Variants in USP34 observed in about 807,000 individuals in gnomAD.
The protein encoded by USP34 is ubiquitin carboxyl-terminal hydrolase 34.
A neutral mutation model predicts 460.3 loss-of-function variants in USP34; 70 were observed. That is an observed-to-expected ratio of 0.15 (90% CI 0.13 to 0.19). USP34 has a LOEUF of 0.19. Among genes scored for constraint, USP34 ranks in the 10% least tolerant of loss-of-function variants. The pLI is 1.00. For missense variants in USP34, 3,985 were observed against 4,236.2 expected, an observed-to-expected ratio of 0.94 and a Z score of 1.65; for synonymous variants, 1,647 against 1,405.3, an observed-to-expected ratio of 1.17 and a Z score of -3.85.
chr2:61,309,035 AAACAACAAC>A (rs568927718), intron 27 of USP34, among the ~76,000 whole-genome samples: 29 of 151,394 alleles, frequency 1.9e-4, no homozygotes, highest in South Asian at 1.2e-3. Flanking sequence ...ACTATCTCAA[AAACAACAAC>A]AACAACAACA....
chr2:61,416,127 G>A (rs1288512327), intron 2 of USP34, among the ~76,000 whole-genome samples: 1 of 152,158 alleles, frequency 6.6e-6, no homozygotes. Context: ...TTTTATGTAT[G>A]AGCTAATTTA....
chr2:61,399,211 T>C (rs1693635098), intron 3 of USP34, among the ~76,000 whole-genome samples: 1 of 152,010 alleles, frequency 6.6e-6, no homozygotes, highest in Non-Finnish European at 1.5e-5. Context: ...TCGTGACGCA[T>C]GCCTGTAATC....
rs1336787615 is a variant in USP34 at position 61,470,948 on chromosome 2, C to G, written c.-256G>C. On this transcript the variant is annotated 5_prime_UTR_variant, in exon 1 of 80. Coordinates refer to ENST00000398571, the MANE Select transcript of USP34 (RefSeq NM_014709.4). The stretch of plus-strand genomic sequence containing the variant: ...CGGAGGGGCGCCGAGGCGCCGGCGG[C>G]GGGGAAGGGGGGGAAGGACGGGGGG... 1.6e-5 allele frequency among the ~76,000 whole-genome samples: 1 copy of G among 61,186 alleles called. No individual in the cohort carries two copies. 40.1% of individuals were successfully genotyped at this position (61,186 alleles called of 152,430 possible).
In USP34 at chr2:61,347,888, T is replaced by C. The variant is rs745381929; in HGVS notation, c.2267A>G (p.His756Arg). Residue 756 changes from histidine (H) to arginine (R), a missense_variant, in exon 15 of 80, where the codon CAT becomes CGT. By Grantham distance (29) the His-to-Arg change is conservative (BLOSUM62 0). This residue lies in a region of USP34 where 716 missense variants were observed against 626.2 expected (regional missense o/e 1.14). Coordinates refer to ENST00000398571, the MANE Select transcript of USP34 (RefSeq NM_014709.4). The stretch of plus-strand genomic sequence containing the variant: ...GGCTTACCCATCGTGGTGGTGGTGA[T>C]GGTGGTGGTGGTGGTGGTGATGCTG... ...GPQHHHHHHH[H>R]HHHHDGHMVD... 1.2e-5 allele frequency: 20 copies of C among 1,602,048 alleles called. No individual in the cohort carries two copies. The highest frequency in any genetic ancestry group is 3.4e-6 in the Non-Finnish European group (4 of 1,172,896).
At position 61,187,769 on chromosome 2, in the gene USP34, A is replaced by C. The variant is rs1302593259; in HGVS notation, c.*333T>G. Reference sequence around the variant, plus strand: ...TGGCACAGAGGACACCATATCATACACAGTAAAAATGCTGTAAGTTTAAAT... The same window carrying C: ...TGGCACAGAGGACACCATATCATACCCAGTAAAAATGCTGTAAGTTTAAAT... On this transcript the variant is annotated 3_prime_UTR_variant, in exon 80 of 80. Coordinates refer to ENST00000398571, the MANE Select transcript of USP34 (RefSeq NM_014709.4). 9.7e-6 allele frequency: 6 copies of C among 618,180 alleles called. No homozygotes were observed. The highest frequency in any genetic ancestry group is 1.3e-5 in the Non-Finnish European group (6 of 462,142). The allele number at this position is 618,180 out of a possible 1,614,324, so 38.3% of individuals were successfully genotyped here.
At chr2:61,260,240 T>G (rs563164381) in intron 43 of USP34, among the ~76,000 whole-genome samples, 18 of 152,360 alleles carry the variant, frequency 1.2e-4, no homozygotes, top group Non-Finnish European at 2.4e-4. Context: ...CCAGCCAGGA[T>G]CTTTGAAAAC....
chr2:61,281,248 T>A lies in USP34; in HGVS notation c.4999-6A>T. The stretch of plus-strand genomic sequence containing the variant: ...GATTCATGACGAACTGCAGTCTAGA[T>A]GAAAAAGAAAGTTCCACAAACAGTG... On this transcript the variant is annotated splice_region_variant and splice_polypyrimidine_tract_variant and intron_variant, in intron 37 of 79. Transcript: ENST00000398571. 6.2e-7 allele frequency: 1 copy of A among 1,605,092 alleles called. No homozygotes were observed. The highest frequency in any genetic ancestry group is 8.5e-7 in the Non-Finnish European group (1 of 1,176,806).
chr2:61,462,107 C>T (rs1695617521), intron 1 of USP34, among the ~76,000 whole-genome samples: 1 of 151,580 alleles, frequency 6.6e-6, no homozygotes, highest in Non-Finnish European at 1.5e-5. Context: ...GGCATGGTGG[C>T]AGTTGCCTGT....
intron 44 of USP34, among the ~76,000 whole-genome samples, chr2:61,259,290 GAAAA>G (rs1177532051): frequency 1.3e-5 from 2 of 151,750 alleles, no homozygotes; most frequent in Admixed American, 1.3e-4. Context: ...AAAAAAGTAA[GAAAA>G]AGAAAGGTAC....
chr2:61,419,006 C>T (rs1167037829), intron 2 of USP34, among the ~76,000 whole-genome samples: 3 of 152,138 alleles, frequency 2.0e-5, no homozygotes, highest in African/African-American at 7.2e-5. Flanking sequence ...GTCCTTTTAG[C>T]AAATACAGTG....
At chr2:61,416,927 C>A in intron 2 of USP34, 1 of 1,139,022 alleles carries the variant, frequency 8.8e-7, no homozygotes, top group South Asian at 1.3e-5. Flanking sequence ...CCATGAATGG[C>A]GACATACTTG....
At chr2:61,225,038 C>T (rs914423177) in intron 62 of USP34, among the ~76,000 whole-genome samples, 5 of 152,112 alleles carry the variant, frequency 3.3e-5, no homozygotes, top group African/African-American at 4.8e-5. Context: ...GCCAAGGGTA[C>T]TCATTGATTC....
intron 34 of USP34, among the ~76,000 whole-genome samples, chr2:61,287,915 C>G (rs937826838): frequency 2.6e-5 from 4 of 152,186 alleles, no homozygotes; most frequent in Non-Finnish European, 4.4e-5. Context: ...CCCTTTTATA[C>G]ACTTGTTCTA....
chr2:61,352,969 G>A (rs533637403), intron 10 of USP34, among the ~76,000 whole-genome samples: 4 of 152,350 alleles, frequency 2.6e-5, no homozygotes, highest in East Asian at 3.9e-4. Flanking sequence ...CGAATCAGAT[G>A]TAAGTATCCT....
chr2:61,309,204 T>A (rs775211309), intron 27 of USP34, among the ~76,000 whole-genome samples: 1 of 152,164 alleles, frequency 6.6e-6, no homozygotes, highest in Non-Finnish European at 1.5e-5. Context: ...TAATTTATCA[T>A]TTGGGTATGA....
At chr2:61,397,891 T>C (rs1443043313) in intron 3 of USP34, among the ~76,000 whole-genome samples, 3 of 150,474 alleles carry the variant, frequency 2.0e-5, no homozygotes, top group African/African-American at 7.4e-5. Context: ...AAAGCAAGAC[T>C]TCATCTCAAA....
intron 10 of USP34, among the ~76,000 whole-genome samples, chr2:61,353,423 GCT>G (rs1405266662): frequency 7.4e-6 from 1 of 134,466 alleles, no homozygotes; most frequent in East Asian, 2.1e-4. Context: ...AGACAGTCTT[GCT>G]CTGTCACCCA....
intron 61 of USP34, among the ~76,000 whole-genome samples, chr2:61,228,011 A>G (rs760285463): frequency 2.6e-5 from 4 of 152,194 alleles, no homozygotes; most frequent in Non-Finnish European, 4.4e-5. Context: ...CTACTAGTGT[A>G]TATTCTGTGA....
intron 67 of USP34, among the ~76,000 whole-genome samples, chr2:61,217,064 C>T (rs72884988): frequency 0.17 from 25,754 of 151,912 alleles, 2,846 homozygotes; most frequent in African/African-American, 0.31. Flanking sequence ...ATTAACATTT[C>T]ACTTTGCTTT....
Sources: allele counts gnomAD v4.1 joint callset (sites outside exome capture counted in the v4.1 genomes callset), GRCh38; gene constraint gnomAD v4.1.1; regional missense constraint gnomAD v4.1.1; transcripts MANE v1.5; gene names NCBI Gene and HGNC (gene_info 2026-07-23, HGNC 2026-07-21).